Variants in USP15 observed in about 807,000 individuals in gnomAD.
USP15 encodes the protein ubiquitin carboxyl-terminal hydrolase 15.
Under a neutral mutation model 127.1 loss-of-function variants are expected in USP15, and 18 were observed. The observed-to-expected ratio is 0.14, with a 90% CI of 0.10 to 0.21. The LOEUF is 0.21. USP15 is among the 10% of genes least tolerant of loss of function. The pLI is 1.00. For missense variants in USP15, 805 were observed against 1,159.9 expected (o/e 0.69, Z 4.44); for synonymous variants, 364 against 393.7 (o/e 0.92, Z 0.89).
At chr12:62,399,166 C>A (rs1355804423) in intron 20 of USP15, among the ~76,000 whole-genome samples, 1 of 152,200 alleles carries the variant, frequency 6.6e-6, no homozygotes, top group African/African-American at 2.4e-5. Context: ...AACAAACTCA[C>A]AGCACGCAAA....
intron 6 of USP15, among the ~76,000 whole-genome samples, chr12:62,342,406 T>G (rs917654809): frequency 1.3e-5 from 2 of 152,022 alleles, no homozygotes; most frequent in Admixed American, 1.3e-4. Flanking sequence ...CTGAAATCTT[T>G]TGTTAATTCA....
At position 62,405,260 on chromosome 12, in the gene USP15, A is replaced by T. The variant is rs1473120978; in HGVS notation, c.*885A>T. The T allele has an allele frequency of 6.6e-6, 1 of 152,168 alleles. No individual in the cohort carries two copies. The highest frequency in any genetic ancestry group is 1.5e-5 in the Non-Finnish European group (1 of 68,004). The allele number at this position is 152,168 out of a possible 1,614,324, so 9.4% of individuals were successfully genotyped here. A position where few individuals can be genotyped will look rare whatever the true frequency, so the allele number is the denominator to read the frequency against. On this transcript the variant is annotated 3_prime_UTR_variant, in exon 22 of 22. Coordinates refer to ENST00000280377, the MANE Select transcript of USP15 (RefSeq NM_001252078.2). ...CAATTATTGTAATATAAGGACAGAC[A>T]TAATAGTATTCTGTACCCATAGTAA...
At chr12:62,356,854 T>A (rs866467398) in intron 8 of USP15, among the ~76,000 whole-genome samples, 22 of 152,044 alleles carry the variant, frequency 1.4e-4, no homozygotes, top group African/African-American at 4.8e-4. Context: ...GTGCTTAGCT[T>A]TCAGAGATAG....
At chr12:62,314,542 A>G (rs975662460) in intron 3 of USP15, among the ~76,000 whole-genome samples, 2 of 151,924 alleles carry the variant, frequency 1.3e-5, no homozygotes, top group African/African-American at 2.4e-5. Context: ...ATGCCTTTCC[A>G]AACTGTCACT....
At chr12:62,268,995 C>T (rs1378774089) in intron 1 of USP15, among the ~76,000 whole-genome samples, 3 of 141,612 alleles carry the variant, frequency 2.1e-5, no homozygotes, top group Admixed American at 7.2e-5. Flanking sequence ...TAAATGGAAT[C>T]GTATAGTATG....
At chr12:62,270,263 G>T (rs1416943880) in intron 1 of USP15, among the ~76,000 whole-genome samples, 2 of 151,918 alleles carry the variant, frequency 1.3e-5, no homozygotes. Flanking sequence ...CTAGATACAG[G>T]TTCCTTATTA....
chr12:62,290,832 T>C (rs114336503), intron 1 of USP15, among the ~76,000 whole-genome samples: 1 of 152,210 alleles, frequency 6.6e-6, no homozygotes, highest in Non-Finnish European at 1.5e-5. Context: ...AATGATTGTT[T>C]TTCTAGGAAA....
chr12:62,289,345 T>C (rs550377603), intron 1 of USP15, among the ~76,000 whole-genome samples: 3 of 152,268 alleles, frequency 2.0e-5, no homozygotes, highest in South Asian at 4.1e-4. Context: ...AGGTTGTATG[T>C]TTCCAGGAGT....
At chr12:62,383,060 G>A (rs796518951) in intron 9 of USP15, among the ~76,000 whole-genome samples, 14 of 151,950 alleles carry the variant, frequency 9.2e-5, no homozygotes, top group African/African-American at 3.1e-4. Flanking sequence ...GATCTATTTT[G>A]TCCCAGATAA....
At chr12:62,403,773 G>A (rs1376634106) in intron 21 of USP15, among the ~76,000 whole-genome samples, 2 of 152,026 alleles carry the variant, frequency 1.3e-5, no homozygotes, top group Non-Finnish European at 2.9e-5. Context: ...TGATGGAACA[G>A]CATCCTTAAG....
At position 62,389,433 on chromosome 12, in the gene USP15, C is replaced by T. The variant is rs748614594; in HGVS notation, c.1476C>T (p.Tyr492=). The change falls in exon 12 of 22, where the codon TAC becomes TAT. Residue 492 remains tyrosine, a splice_region_variant and synonymous_variant. Coordinates refer to ENST00000280377, the MANE Select transcript of USP15 (RefSeq NM_001252078.2). The part of the protein sequence containing the change: ...RMDPLTKPMQ[Y]KVVVPKIGNI... ...TTACAATTTTTTTTGTTTTTTAGTA[C>T]AAAGTGGTTGTCCCCAAAATTGGAA... 1 of 1,606,300 alleles carries T rather than the reference C, an allele frequency of 6.2e-7. No homozygotes were observed. Among genetic ancestry groups the T allele is most frequent in the Non-Finnish European group, 8.5e-7 (1 of 1,178,156 alleles).
At chr12:62,333,042 G>A (rs934530458) in intron 6 of USP15, among the ~76,000 whole-genome samples, 1 of 152,102 alleles carries the variant, frequency 6.6e-6, no homozygotes, top group Admixed American at 6.5e-5. Context: ...AATTTTTAGA[G>A]AGTATTCAAT....
intron 8 of USP15, among the ~76,000 whole-genome samples, chr12:62,372,350 C>T (rs867880856): frequency 2.7e-4 from 41 of 152,100 alleles, no homozygotes; most frequent in African/African-American, 9.7e-4. Flanking sequence ...CAGATCATAT[C>T]AGTACCACCA....
intron 1 of USP15, among the ~76,000 whole-genome samples, chr12:62,261,150 C>G (rs1217457371): frequency 2.0e-5 from 3 of 152,086 alleles, no homozygotes; most frequent in Non-Finnish European, 4.4e-5. Context: ...TTGATAGAAG[C>G]CGGCAGCGTT....
At position 62,404,233 on chromosome 12, in the gene USP15, C is replaced by T; in HGVS notation, c.2804C>T (p.Thr935Ile). The change falls in exon 22 of 22, where the codon ACT (threonine) becomes ATT (isoleucine). Residue 935 changes from threonine (T) to isoleucine (I), a missense_variant. Thr to Ile is a moderately conservative substitution (Grantham distance 89). Transcript: ENST00000280377. ...AYVLFYQRQDTFSGTGFFPLD... is the reference protein window; with the variant it reads ...AYVLFYQRQDIFSGTGFFPLD... ...GTACTCTTCTACCAGAGACAAGACA[C>T]TTTCAGTGGAACTGGCTTTTTTCCT... is the stretch of plus-strand genomic sequence containing the variant. 1 of 1,613,174 alleles carries T rather than the reference C, an allele frequency of 6.2e-7. No individual in the cohort carries two copies.
rs570860283 is a variant in USP15 at position 62,368,355 on chromosome 12, G to A, written c.915+12880G>A. 5.9e-5 allele frequency among the ~76,000 whole-genome samples: 9 copies of A among 152,234 alleles called. No individual in the cohort carries two copies. In the South Asian group the frequency reaches 1.7e-3, roughly 28 times the overall value. ...TCGTCCAGAGCTGAGTTCAAGTCCC[G>A]AATATCCTTGTTAATTTTCTCTCTC... On this transcript the variant is annotated intron_variant, in intron 8 of 21. Transcript: ENST00000280377.
intron 20 of USP15, among the ~76,000 whole-genome samples, chr12:62,396,881 C>T (rs1258219074): frequency 6.6e-6 from 1 of 152,148 alleles, no homozygotes. Context: ...TGATAGACAT[C>T]TAAATTCCCT....
chr12:62,288,174 T>C (rs1191770287), intron 1 of USP15, among the ~76,000 whole-genome samples: 4 of 152,128 alleles, frequency 2.6e-5, no homozygotes, highest in Non-Finnish European at 5.9e-5. Context: ...TGTAGATTGC[T>C]TTGGGCGGGG....
intron 3 of USP15, among the ~76,000 whole-genome samples, chr12:62,313,394 G>C (rs916303192): frequency 6.6e-6 from 1 of 151,450 alleles, no homozygotes; most frequent in African/African-American, 2.4e-5. Flanking sequence ...TTCCTGCTTT[G>C]TGTTGGTCAT....
Sources: gnomAD v4.1 joint callset for allele counts (sites outside exome capture counted in the v4.1 genomes callset) on GRCh38, gnomAD v4.1.1 for gene constraint, MANE v1.5 for transcripts, NCBI Gene and HGNC (gene_info 2026-07-23, HGNC 2026-07-21) for gene names.